HDAC9: variants seen among roughly 807,000 people sequenced by gnomAD.
The protein encoded by HDAC9 is MEF-2 interacting transcription repressor (MITR) protein.
Under a neutral mutation model 139.4 loss-of-function variants are expected in HDAC9, and 41 were observed. The ratio of observed to expected loss-of-function variants is 0.29; its 90% CI spans 0.23 to 0.38. The LOEUF (loss-of-function observed/expected upper bound fraction) is 0.38. HDAC9 is among the 10% of genes least tolerant of loss of function. The pLI, the probability that HDAC9 is intolerant of heterozygous loss-of-function variation, is 1.00. For synonymous variants in HDAC9, 517 were observed against 476.2 expected, an observed-to-expected ratio of 1.09 and a Z score of -1.12; for missense variants, 1,147 against 1,297.0, an observed-to-expected ratio of 0.88 and a Z score of 1.78.
chr7:18,467,691 G>C (rs1005169911), intron 1 of HDAC9, among the ~76,000 whole-genome samples: 4 of 152,234 alleles, frequency 2.6e-5, no homozygotes, highest in African/African-American at 9.6e-5. Context: ...CTTATGTGTT[G>C]TTAATATCTC....
intron 11 of HDAC9, among the ~76,000 whole-genome samples, chr7:18,660,100 A>T (rs953945014): frequency 6.6e-6 from 1 of 152,320 alleles, no homozygotes; most frequent in Admixed American, 6.5e-5. Context: ...TACAAATAGC[A>T]CAAAGTAACT....
chr7:18,659,735 A>G (rs1792526063), intron 11 of HDAC9, among the ~76,000 whole-genome samples: 1 of 152,166 alleles, frequency 6.6e-6, no homozygotes, highest in Non-Finnish European at 1.5e-5. Flanking sequence ...GAAGTAACTC[A>G]CCTGGTGTCA....
At chr7:18,403,460 A>T (rs560684194) in intron 1 of HDAC9, among the ~76,000 whole-genome samples, 8 of 151,940 alleles carry the variant, frequency 5.3e-5, no homozygotes, top group Non-Finnish European at 1.0e-4. Context: ...TGCACTTGTT[A>T]TTTTCCTGGG....
At chr7:18,780,710 C>G (rs1319576781) in intron 16 of HDAC9, among the ~76,000 whole-genome samples, 1 of 151,994 alleles carries the variant, frequency 6.6e-6, no homozygotes, top group African/African-American at 2.4e-5. Flanking sequence ...CTGTAAAGAA[C>G]AGTATCACTA....
rs571895804 is a variant in HDAC9 at position 18,544,899 on chromosome 7, A to G, written c.23-40382A>G. On this transcript the variant is annotated intron_variant, in intron 2 of 25. Coordinates refer to ENST00000686413, the MANE Select transcript of HDAC9 (RefSeq NM_178425.4). ...CTTCCAGGAAACCTGTGAACCTCACATAGGAGTGATTTTGCCCTCCAGGAA... is the reference window on the plus strand; with the variant it reads ...CTTCCAGGAAACCTGTGAACCTCACGTAGGAGTGATTTTGCCCTCCAGGAA... Among the ~76,000 whole-genome samples the G allele has an allele frequency of 2.6e-5, 4 of 152,320 alleles. No homozygotes were observed. In the South Asian group the frequency reaches 8.3e-4, roughly 32 times the overall value.
At chr7:18,783,008 G>C (rs753161780) in intron 16 of HDAC9, among the ~76,000 whole-genome samples, 45 of 152,204 alleles carry the variant, frequency 3.0e-4, no homozygotes, top group Non-Finnish European at 5.4e-4. Context: ...ATAGGATAAA[G>C]TAGAGGAGGA....
chr7:18,996,329 A>G lies in HDAC9; in HGVS notation c.*267A>G, dbSNP rs1479216492. ...AAACTGCTTCCAGCATGCTTTTAATATGCTGGGTGACCCACTCCTAGACAC... is the reference window on the plus strand; with the variant it reads ...AAACTGCTTCCAGCATGCTTTTAATGTGCTGGGTGACCCACTCCTAGACAC... On this transcript the variant is annotated 3_prime_UTR_variant, in exon 26 of 26. Coordinates refer to ENST00000686413, the MANE Select transcript of HDAC9 (RefSeq NM_178425.4). The G allele has an allele frequency of 5.4e-6, 2 of 371,484 alleles. No individual in the cohort carries two copies. The highest frequency in any genetic ancestry group is 1.0e-5 in the Non-Finnish European group (2 of 198,454). The allele number at this position is 371,484 out of a possible 1,614,324, so 23.0% of individuals were successfully genotyped here.
chr7:18,634,148 C>T (rs1229568920), intron 7 of HDAC9, among the ~76,000 whole-genome samples: 1 of 151,834 alleles, frequency 6.6e-6, no homozygotes, highest in African/African-American at 2.4e-5. Flanking sequence ...AAGGTATAGC[C>T]TTAGTATATT....
chr7:18,498,826 A>G (rs1040760595), intron 2 of HDAC9, among the ~76,000 whole-genome samples: 1 of 151,956 alleles, frequency 6.6e-6, no homozygotes, highest in African/African-American at 2.4e-5. Flanking sequence ...ATGTCTTTAA[A>G]ACGTATACTC....
At chr7:18,383,534 T>C (rs1020172176) in intron 1 of HDAC9, among the ~76,000 whole-genome samples, 2 of 152,106 alleles carry the variant, frequency 1.3e-5, no homozygotes, top group African/African-American at 2.4e-5. Flanking sequence ...AAAAAAATAG[T>C]CCTTTACTTC....
At chr7:18,439,315 TA>T (rs1162684720) in intron 1 of HDAC9, among the ~76,000 whole-genome samples, 2 of 152,220 alleles carry the variant, frequency 1.3e-5, no homozygotes, top group Non-Finnish European at 2.9e-5. Flanking sequence ...CGGTTTTCTA[TA>T]AATACTGGAA....
intron 1 of HDAC9, among the ~76,000 whole-genome samples, chr7:18,342,378 T>C (rs1782083326): frequency 6.6e-6 from 1 of 151,878 alleles, no homozygotes; most frequent in South Asian, 2.1e-4. Context: ...AAATTTCACA[T>C]CTCACAGGGA....
At chr7:18,254,321 T>G (rs17346706) in intron 2 of HDAC9, among the ~76,000 whole-genome samples, 3,790 of 152,340 alleles carry the variant, frequency 0.025, 73 homozygotes, top group Middle Eastern at 0.037. Context: ...CCATACACCC[T>G]TGGACTATTC....
chr7:18,538,189 C>G (rs1241943179), intron 2 of HDAC9, among the ~76,000 whole-genome samples: 3 of 152,182 alleles, frequency 2.0e-5, no homozygotes, highest in South Asian at 2.1e-4. Context: ...CCCGTGGGGT[C>G]TCACTTTCCA....
chr7:18,876,074 T>C (rs890143773), intron 22 of HDAC9, among the ~76,000 whole-genome samples: 1 of 152,186 alleles, frequency 6.6e-6, no homozygotes, highest in African/African-American at 2.4e-5. Context: ...TTGATCATTT[T>C]GTTCCCTTGT....
chr7:18,620,963 C>CTGTT (rs1840056146), intron 6 of HDAC9, among the ~76,000 whole-genome samples: 1 of 152,106 alleles, frequency 6.6e-6, no homozygotes, highest in Non-Finnish European at 1.5e-5. Flanking sequence ...CAATGATGTA[C>CTGTT]ATAACAGTGC....
At chr7:18,667,126 T>C (rs906067248) in intron 12 of HDAC9, 1 of 985,234 alleles carries the variant, frequency 1.0e-6, no homozygotes, top group East Asian at 1.1e-4. Context: ...TAGATGCAAA[T>C]TGCAGCACTA....
chr7:18,285,980 T>G (rs1319434689), upstream of HDAC9, among the ~76,000 whole-genome samples: 1 of 152,168 alleles, frequency 6.6e-6, no homozygotes, highest in African/African-American at 2.4e-5. Flanking sequence ...CTGGTAATTT[T>G]GTTGTTCACC....
intron 2 of HDAC9, among the ~76,000 whole-genome samples, chr7:18,580,612 G>A (rs979414494): frequency 2.0e-5 from 3 of 152,150 alleles, no homozygotes; most frequent in Non-Finnish European, 4.4e-5. Context: ...TACAACTAAT[G>A]TGAATACTAA....
Sources: gnomAD v4.1 joint callset for allele counts (sites outside exome capture counted in the v4.1 genomes callset) on GRCh38, gnomAD v4.1.1 for gene constraint, MANE v1.5 for transcripts, NCBI Gene and HGNC (gene_info 2026-07-23, HGNC 2026-07-21) for gene names.